Variants in GIN1 observed in about 807,000 individuals in gnomAD.
The protein encoded by GIN1 is gypsy retrotransposon integrase 1, also known as gypsy retrotransposon integrase-like protein 1.
A neutral mutation model predicts 51.4 loss-of-function variants in GIN1; 41 were observed. The ratio of observed to expected loss-of-function variants is 0.80; its 90% CI spans 0.62 to 1.04. The LOEUF is 1.04. Among genes scored for constraint, GIN1 ranks in the 50% least tolerant of loss-of-function variants. The pLI is 0.00. For synonymous variants in GIN1, 222 were observed against 206.5 expected (o/e 1.07, Z -0.64); for missense variants, 610 against 612.4 (o/e 1.00, Z 0.04).
In GIN1 at chr5:103,106,868, G is replaced by T; in HGVS notation, c.181C>A (p.Arg61Ser). The change falls in exon 3 of 8, where the codon CGT becomes AGT. Residue 61 changes from arginine to serine, a missense_variant. By Grantham distance (110) the Arg-to-Ser change is moderately radical (BLOSUM62 -1). Transcript: ENST00000399004. Reference sequence around the variant, plus strand: ...TCCTCTTCTGAAACAATTACCAAACGATTTTGTTTTCTGTCTTTTCCAACA... The same window carrying T: ...TCCTCTTCTGAAACAATTACCAAACTATTTTGTTTTCTGTCTTTTCCAACA... The part of the protein sequence containing the change: ...FYVGKDRKQN[R>S]LVIVSEEEKK... 6.3e-7 allele frequency: 1 copy of T among 1,586,004 alleles called. No individual in the cohort carries two copies. Among genetic ancestry groups the T allele is most frequent in the South Asian group, 1.2e-5 (1 of 86,080 alleles).
intron 6 of GIN1, 48 bp from the exon 7 acceptor site, chr5:103,096,874 A>G (rs1554195152): frequency 8.4e-7 from 1 of 1,189,012 alleles, no homozygotes; most frequent in East Asian, 2.4e-5. Context: ...GAGCTATAAT[A>G]TCTTGAAGGT....
intron 1 of GIN1, 36 bp downstream of exon 1, chr5:103,120,028 G>C (rs1788369124): frequency 6.4e-6 from 1 of 156,228 alleles, no homozygotes; most frequent in South Asian, 1.7e-4. Context: ...TTAAAAAACA[G>C]TAGGTATGAC....
chr5:103,117,899 T>TCCCC (rs1788088431), intron 1 of GIN1, among the ~76,000 whole-genome samples: 1 of 152,082 alleles, frequency 6.6e-6, no homozygotes, highest in African/African-American at 2.4e-5. Flanking sequence ...TTCACGCTTT[T>TCCCC]CCCCCCTGCT....
chr5:103,112,189 G>A (rs907486866), intron 1 of GIN1, among the ~76,000 whole-genome samples: 5 of 152,092 alleles, frequency 3.3e-5, no homozygotes, highest in Non-Finnish European at 7.4e-5. Flanking sequence ...CTATGTTAGG[G>A]AGAGGGACAT....
intron 2 of GIN1, among the ~76,000 whole-genome samples, chr5:103,108,008 A>C (rs1008495835): frequency 6.6e-6 from 1 of 152,066 alleles, no homozygotes; most frequent in Non-Finnish European, 1.5e-5. Context: ...GGGGAAAAAG[A>C]GGCAAAAATT....
rs74425475 is a variant in GIN1 at position 103,099,976 on chromosome 5, T to C, written c.640-2195A>G. 4.7e-3 allele frequency among the ~76,000 whole-genome samples: 712 copies of C among 152,366 alleles called. 6 individuals are homozygous for C. The highest frequency in any genetic ancestry group is 0.015 in the African/African-American group (631 of 41,592). Reference sequence around the variant, plus strand: ...ATTTTGTACTGTCATCGTTATGCTTTCTGTGTAATAGTGAAGCCATTTTAA... The same window carrying C: ...ATTTTGTACTGTCATCGTTATGCTTCCTGTGTAATAGTGAAGCCATTTTAA... On this transcript the variant is annotated intron_variant, in intron 4 of 7. Coordinates refer to ENST00000399004, the MANE Select transcript of GIN1 (RefSeq NM_017676.2).
In GIN1 at chr5:103,104,835, A is replaced by T; in HGVS notation, c.345T>A (p.Cys115Ter). ...TNDVKQWVYACQHCQVAKNTV... is the reference protein window; with the variant it reads ...TNDVKQWVYA The stretch of plus-strand genomic sequence containing the variant: ...TATTTTTTGCCACTTGGCAATGCTG[A>T]CAAGCATATACCTACAACAGGCACA... Residue 115 changes from cysteine to a stop codon, truncating the protein, a stop_gained, in exon 4 of 8, where the codon TGT becomes TGA. Transcript: ENST00000399004. LOFTEE classifies it high-confidence loss of function. 1.3e-6 allele frequency: 2 copies of T among 1,590,560 alleles called. No homozygotes were observed. Among genetic ancestry groups the T allele is most frequent in the Non-Finnish European group, 1.7e-6 (2 of 1,162,804 alleles).
chr5:103,108,126 G>C (rs782204657), intron 2 of GIN1, among the ~76,000 whole-genome samples: 1 of 152,070 alleles, frequency 6.6e-6, no homozygotes, highest in African/African-American at 2.4e-5. Flanking sequence ...TTTAATGGCA[G>C]TGGTGGGGTT....
At chr5:103,114,704 G>A (rs1271061462) in intron 1 of GIN1, among the ~76,000 whole-genome samples, 3 of 152,154 alleles carry the variant, frequency 2.0e-5, no homozygotes, top group African/African-American at 7.2e-5. Flanking sequence ...TACATTCACA[G>A]TAATATGTGT....
intron 7 of GIN1, among the ~76,000 whole-genome samples, chr5:103,091,854 G>A (rs546316567): frequency 1.3e-5 from 2 of 151,954 alleles, no homozygotes; most frequent in East Asian, 3.9e-4. Context: ...GTGAAACCCC[G>A]TCTCTACTAA....
intron 7 of GIN1, among the ~76,000 whole-genome samples, chr5:103,090,956 A>C (rs1298885503): frequency 6.6e-6 from 1 of 152,104 alleles, no homozygotes; most frequent in African/African-American, 2.4e-5. Flanking sequence ...GTTAACCTTT[A>C]AAGTAACTTA....
At chr5:103,107,550 C>T (rs1787761236) in intron 2 of GIN1, among the ~76,000 whole-genome samples, 1 of 152,046 alleles carries the variant, frequency 6.6e-6, no homozygotes, top group Non-Finnish European at 1.5e-5. Flanking sequence ...ATTCAAACTC[C>T]AAAATACACC....
intron 7 of GIN1, among the ~76,000 whole-genome samples, chr5:103,091,928 G>A (rs1205226597): frequency 5.3e-5 from 8 of 151,966 alleles, no homozygotes; most frequent in African/African-American, 7.3e-5. Context: ...AGGAGGCCGA[G>A]GTAGGAGAAT....
At chr5:103,108,404 AGCTTGAGTGTAATTTTTAT>A (rs1554196571) in intron 2 of GIN1, among the ~76,000 whole-genome samples, 146 bp downstream of exon 2, 1 of 152,042 alleles carries the variant, frequency 6.6e-6, no homozygotes, top group East Asian at 1.9e-4. Flanking sequence ...GCCTTCAGTT[AGCTTGAGTGTAATTTTTAT>A]TTTGCTTTTG....
intron 4 of GIN1, among the ~76,000 whole-genome samples, chr5:103,100,832 G>A (rs572193598): frequency 6.6e-6 from 1 of 152,124 alleles, no homozygotes; most frequent in African/African-American, 2.4e-5. Flanking sequence ...ATGCACTTAG[G>A]GTAAGGCTCT....
chr5:103,104,975 T>C, intron 3 of GIN1, 129 bp from the exon 4 acceptor site: 1 of 605,490 alleles, frequency 1.7e-6, no homozygotes, highest in Non-Finnish European at 2.9e-6. Flanking sequence ...GAGAAACTTC[T>C]GGACTGAGAA....
chr5:103,107,904 A>C (rs1213113634), intron 2 of GIN1, among the ~76,000 whole-genome samples: 1 of 152,072 alleles, frequency 6.6e-6, no homozygotes, highest in South Asian at 2.1e-4. Flanking sequence ...TAAGCCTAAG[A>C]GGCAAAATTC....
chr5:103,107,428 C>G (rs1204202547), intron 2 of GIN1, among the ~76,000 whole-genome samples: 1 of 152,040 alleles, frequency 6.6e-6, no homozygotes, highest in Non-Finnish European at 1.5e-5. Context: ...CTGTAATCCT[C>G]AAGACAATTC....
At chr5:103,096,432 G>T in intron 7 of GIN1, 109 bp downstream of exon 7, 1 of 823,980 alleles carries the variant, frequency 1.2e-6, no homozygotes, top group Non-Finnish European at 1.9e-6. Context: ...CAAATTTTAT[G>T]AAGAAGGGAA....
Sources: allele counts gnomAD v4.1 joint callset (sites outside exome capture counted in the v4.1 genomes callset), GRCh38; gene constraint gnomAD v4.1.1; transcripts MANE v1.5; gene names NCBI Gene and HGNC (gene_info 2026-07-23, HGNC 2026-07-21).